LCP2: variants seen among roughly 807,000 people sequenced by gnomAD.
The protein encoded by LCP2 is 76 kDa tyrosine phosphoprotein.
A neutral mutation model predicts 74.5 loss-of-function variants in LCP2; 29 were observed. That is an observed-to-expected ratio of 0.39 (90% CI 0.29 to 0.53). LCP2 has a LOEUF of 0.53. LCP2 is among the 20% of genes least tolerant of loss of function. The pLI, the probability that LCP2 is intolerant of heterozygous loss-of-function variation, is 0.72. For missense variants in LCP2, 604 were observed against 634.6 expected, an observed-to-expected ratio of 0.95 and a Z score of 0.52; for synonymous variants, 228 against 229.5, an observed-to-expected ratio of 0.99 and a Z score of 0.06.
At chr5:170,255,294 T>C (rs906812734) in intron 17 of LCP2, among the ~76,000 whole-genome samples, 3 of 152,174 alleles carry the variant, frequency 2.0e-5, no homozygotes, top group Non-Finnish European at 2.9e-5. Context: ...CGCCCCTCTA[T>C]GGAATGATGC....
intron 3 of LCP2, among the ~76,000 whole-genome samples, chr5:170,283,481 A>T (rs1055606061): frequency 6.6e-6 from 1 of 152,132 alleles, no homozygotes; most frequent in Non-Finnish European, 1.5e-5. Context: ...CTTCATAGCT[A>T]CAGCCCTAGG....
At chr5:170,281,964 G>A (rs1044784710) in intron 3 of LCP2, among the ~76,000 whole-genome samples, 5 of 152,160 alleles carry the variant, frequency 3.3e-5, no homozygotes, top group African/African-American at 9.7e-5. Flanking sequence ...AGATTTGAAC[G>A]TGTATTCGTG....
At chr5:170,257,782 G>T (rs1004716648) in intron 16 of LCP2, among the ~76,000 whole-genome samples, 6 of 151,946 alleles carry the variant, frequency 3.9e-5, no homozygotes, top group African/African-American at 1.5e-4. Flanking sequence ...CTACCAAAAG[G>T]CCCATTCTAT....
Position 170,297,417 on chromosome 5 carries a change from G to C in LCP2, c.78+117C>G, listed in dbSNP as rs558727560. 43 of 829,262 alleles carry C rather than the reference G, an allele frequency of 5.2e-5. No homozygotes were observed. The South Asian group carries it at 6.5e-4, about 13-fold the overall frequency. The allele number at this position is 829,262 out of a possible 1,614,324, so 51.4% of individuals were successfully genotyped here. A position where few individuals can be genotyped will look rare whatever the true frequency, so the allele number is the denominator to read the frequency against. ...TCACTCAACCAGTAAAGTTGCCATAGGGTTCCATTGCTATCTTATACACCT... is the reference window on the plus strand; with the variant it reads ...TCACTCAACCAGTAAAGTTGCCATACGGTTCCATTGCTATCTTATACACCT... On this transcript the variant is annotated intron_variant, in intron 1 of 20. Transcript: ENST00000046794.
chr5:170,296,924 A>AC (rs1180630875), intron 1 of LCP2, among the ~76,000 whole-genome samples: 1 of 151,970 alleles, frequency 6.6e-6, no homozygotes, highest in Non-Finnish European at 1.5e-5. Flanking sequence ...GAGCTTGAGG[A>AC]CCCCCCTTAG....
intron 5 of LCP2, 38 bp from the exon 6 acceptor site, chr5:170,274,376 A>G: frequency 6.2e-7 from 1 of 1,606,252 alleles, no homozygotes; most frequent in Non-Finnish European, 8.5e-7. Context: ...GCACTGAAGA[A>G]AAGCCACCAC....
chr5:170,272,421 C>T (rs1255114107), intron 6 of LCP2, among the ~76,000 whole-genome samples: 1 of 152,006 alleles, frequency 6.6e-6, no homozygotes, highest in Non-Finnish European at 1.5e-5. Flanking sequence ...ACTTGATTTG[C>T]AGCATAAGCA....
At chr5:170,261,407 G>GTGTGTATA (rs150577805) in intron 13 of LCP2, among the ~76,000 whole-genome samples, 27,808 of 145,628 alleles carry the variant, frequency 0.19, 3,010 homozygotes, top group East Asian at 0.36. Context: ...GTGTGTGTGT[G>GTGTGTATA]TATATATATA....
chr5:170,296,332 C>A (rs1212072510), intron 1 of LCP2, among the ~76,000 whole-genome samples: 1 of 152,174 alleles, frequency 6.6e-6, no homozygotes, highest in Non-Finnish European at 1.5e-5. Context: ...AACTGTACCC[C>A]TACCATACCA....
intron 16 of LCP2, among the ~76,000 whole-genome samples, chr5:170,257,735 T>C (rs1425783895): frequency 6.6e-6 from 1 of 152,130 alleles, no homozygotes; most frequent in Non-Finnish European, 1.5e-5. Context: ...TTATTGTTGT[T>C]TGTTTGAACT....
chr5:170,288,195 A>G (rs1762219130), intron 2 of LCP2, among the ~76,000 whole-genome samples, 179 bp from the exon 3 acceptor site: 1 of 144,424 alleles, frequency 6.9e-6, no homozygotes, highest in African/African-American at 2.6e-5. Flanking sequence ...TTTGCCTAAA[A>G]GCCTGTGGGC....
intron 16 of LCP2, 49 bp downstream of exon 16, chr5:170,257,988 T>C (rs1311845028): frequency 6.3e-7 from 1 of 1,591,538 alleles, no homozygotes; most frequent in Non-Finnish European, 8.6e-7. Context: ...CAGTACTGGA[T>C]GGACCTAAAC....
Position 170,248,677 on chromosome 5 carries a change from A to C in LCP2, c.*20T>G, listed in dbSNP as rs1204653912. On this transcript the variant is annotated 3_prime_UTR_variant, in exon 21 of 21. Coordinates refer to ENST00000046794, the MANE Select transcript of LCP2 (RefSeq NM_005565.5). ...GGCAACAGAGGCAGGAGGACGGTTC[A>C]TTTGCTCGGCTATAACTTGCTATGG... is the stretch of plus-strand genomic sequence containing the variant. The C allele has an allele frequency of 1.3e-6, 2 of 1,577,176 alleles. No individual in the cohort carries two copies.
intron 3 of LCP2, among the ~76,000 whole-genome samples, chr5:170,278,159 C>A (rs1201575635): frequency 6.6e-6 from 1 of 150,454 alleles, no homozygotes; most frequent in East Asian, 2.0e-4. Flanking sequence ...CATTCTGTCA[C>A]CTGTTTATTC....
chr5:170,260,992 C>T (rs1761639159), intron 14 of LCP2, 115 bp downstream of exon 14: 1 of 755,526 alleles, frequency 1.3e-6, no homozygotes, highest in Non-Finnish European at 2.4e-6. Flanking sequence ...CCCCTGGGTG[C>T]AGGACCTGCT....
At chr5:170,250,167 A>C (rs1359836972) in intron 20 of LCP2, among the ~76,000 whole-genome samples, 1 of 152,172 alleles carries the variant, frequency 6.6e-6, no homozygotes, top group East Asian at 1.9e-4. Context: ...TTCCTTTGCG[A>C]AAAACTAGCC....
Position 170,261,136 on chromosome 5 carries a change from G to T in LCP2, c.928C>A (p.His310Asn), listed in dbSNP as rs200367246. The T allele has an allele frequency of 7.2e-5, 115 of 1,601,664 alleles. No individual in the cohort carries two copies. The highest frequency in any genetic ancestry group is 9.6e-5 in the Non-Finnish European group (112 of 1,169,270). ...TCTCTTCTGTCTGGTCCCCATCCAT[G>T]CCTGAAATGAATTAGGGCAAATAAA... Reference protein sequence around the residue: ...LPGKKPPVPKHGWGPDRREND... With the variant: ...LPGKKPPVPKNGWGPDRREND... Residue 310 changes from histidine to asparagine, a missense_variant and splice_region_variant, in exon 14 of 21, where the codon CAT becomes AAT. Coordinates refer to ENST00000046794, the MANE Select transcript of LCP2 (RefSeq NM_005565.5).
chr5:170,266,464 T>A (rs936530855), intron 10 of LCP2, among the ~76,000 whole-genome samples: 3 of 152,204 alleles, frequency 2.0e-5, no homozygotes, highest in Non-Finnish European at 4.4e-5. Flanking sequence ...CCTCTCTCTG[T>A]ACCCTAAAGC....
At position 170,268,369 on chromosome 5, in the gene LCP2, A is replaced by G. The variant is rs768573441; in HGVS notation, c.621+16T>C. On this transcript the variant is annotated intron_variant, in intron 8 of 20. Coordinates refer to ENST00000046794, the MANE Select transcript of LCP2 (RefSeq NM_005565.5). Reference sequence around the variant, plus strand: ...AGTGGACACCAAGTACTGTAAAAGAACGGGAGGAGGCCTACCGAGTGATTC... The same window carrying G: ...AGTGGACACCAAGTACTGTAAAAGAGCGGGAGGAGGCCTACCGAGTGATTC... 1 of 489,256 alleles carries G rather than the reference A, an allele frequency of 2.0e-6. No individual in the cohort carries two copies. Among genetic ancestry groups the G allele is most frequent in the Non-Finnish European group, 2.8e-6 (1 of 354,422 alleles). The allele number at this position is 489,256 out of a possible 1,614,324, so 30.3% of individuals were successfully genotyped here.
Sources: gnomAD v4.1 joint callset for allele counts (sites outside exome capture counted in the v4.1 genomes callset) on GRCh38, gnomAD v4.1.1 for gene constraint, MANE v1.5 for transcripts, NCBI Gene and HGNC (gene_info 2026-07-23, HGNC 2026-07-21) for gene names.